Variants in RGS6 observed in about 807,000 individuals in gnomAD.
RGS6 encodes the protein regulator of G protein signaling 6.
Under a neutral mutation model 78.5 loss-of-function variants are expected in RGS6, and 30 were observed. The observed-to-expected ratio is 0.38, with a 90% CI of 0.29 to 0.52. The LOEUF (loss-of-function observed/expected upper bound fraction) is 0.52. Ranked by LOEUF, RGS6 falls within the 20% of genes least tolerant of loss-of-function variation. The probability of loss-of-function intolerance (pLI) is 0.85; values close to 1 mark genes in which losing one functional copy is unlikely to be tolerated. For synonymous variants in RGS6, 206 were observed against 206.0 expected (o/e 1.00, Z 0.00); for missense variants, 495 against 609.7 (o/e 0.81, Z 1.98).
downstream of RGS6, among the ~76,000 whole-genome samples, chr14:72,567,399 A>G (rs1034454862): frequency 5.3e-5 from 8 of 152,198 alleles, no homozygotes; most frequent in African/African-American, 1.4e-4. Context: ...TCTCAGCTGG[A>G]CCATCTGGCT....
intron 2 of RGS6, among the ~76,000 whole-genome samples, chr14:72,204,261 AAT>A (rs1218880264): frequency 5.9e-4 from 90 of 152,334 alleles, no homozygotes; most frequent in African/African-American, 2.1e-3. Context: ...TTTGCAACCT[AAT>A]CTCAGAAGCA....
At chr14:71,998,626 C>T (rs913804163) in intron 2 of RGS6, among the ~76,000 whole-genome samples, 57 of 152,136 alleles carry the variant, frequency 3.7e-4, no homozygotes, top group Non-Finnish European at 4.6e-4. Context: ...CAAATAGAAG[C>T]CAAAGCATGG....
intron 12 of RGS6, among the ~76,000 whole-genome samples, chr14:72,488,998 G>A (rs2096537300): frequency 6.6e-6 from 1 of 151,946 alleles, no homozygotes. Flanking sequence ...ATCTATTTCT[G>A]GTCTTAAAAA....
At chr14:72,289,924 G>A (rs945943285) in intron 2 of RGS6, among the ~76,000 whole-genome samples, 2 of 152,170 alleles carry the variant, frequency 1.3e-5, no homozygotes, top group Admixed American at 6.5e-5. Flanking sequence ...GTCTCTCCTT[G>A]TCAGAACTGT....
intron 3 of RGS6, among the ~76,000 whole-genome samples, chr14:72,367,980 A>G (rs1009362556): frequency 6.6e-6 from 1 of 152,208 alleles, no homozygotes; most frequent in Non-Finnish European, 1.5e-5. Flanking sequence ...TTTTCTCACG[A>G]TGTTCTAACT....
chr14:72,145,136 C>T (rs949323757), intron 2 of RGS6, among the ~76,000 whole-genome samples: 1 of 152,062 alleles, frequency 6.6e-6, no homozygotes, highest in East Asian at 1.9e-4. Flanking sequence ...CAAAATATCT[C>T]AAGAACTGAT....
At chr14:72,523,357 A>T (rs1325109017) in intron 15 of RGS6, among the ~76,000 whole-genome samples, 1 of 152,146 alleles carries the variant, frequency 6.6e-6, no homozygotes, top group Non-Finnish European at 1.5e-5. Context: ...TCTCTGTTAA[A>T]TGGGGATGTT....
chr14:72,360,829 C>T (rs1240277980), intron 3 of RGS6, among the ~76,000 whole-genome samples: 1 of 152,058 alleles, frequency 6.6e-6, no homozygotes, highest in Admixed American at 6.5e-5. Flanking sequence ...ATTGTAATCC[C>T]CATAATCCGC....
intron 2 of RGS6, among the ~76,000 whole-genome samples, chr14:72,131,157 C>A (rs920098124): frequency 6.6e-6 from 1 of 152,180 alleles, no homozygotes; most frequent in Non-Finnish European, 1.5e-5. Flanking sequence ...GATTCCTAGT[C>A]CCCTAACTCA....
the RGS6 span, among the ~76,000 whole-genome samples, chr14:71,896,023 G>A: frequency 1.3e-4 from 20 of 152,060 alleles, no homozygotes; most frequent in Non-Finnish European, 2.9e-5. Context: ...TGCAGTCCGT[G>A]CAGGCCAGCT....
rs1381169468 is a variant in RGS6 at position 72,474,619 on chromosome 14, T to TC, written c.619-5dup. On this transcript the variant is annotated splice_region_variant and splice_polypyrimidine_tract_variant and intron_variant, in intron 9 of 17. Coordinates refer to ENST00000553525, the MANE Select transcript of RGS6 (RefSeq NM_001204424.2). ...TAATTTATATGATGTGTTTTTTTTT[T>TC]CTCAGCCAGGCTGTGTGAACACAAC... is the stretch of plus-strand genomic sequence containing the variant. 1.9e-6 allele frequency: 3 copies of TC among 1,596,836 alleles called. No homozygotes were observed. Among genetic ancestry groups the TC allele is most frequent in the South Asian group, 1.2e-5 (1 of 86,366 alleles).
chr14:72,327,359 G>T (rs2074035088), intron 2 of RGS6, among the ~76,000 whole-genome samples: 1 of 152,104 alleles, frequency 6.6e-6, no homozygotes, highest in Admixed American at 6.5e-5. Context: ...TCATGGGAAA[G>T]TACCTGGAAA....
chr14:72,554,889 T>TGAG (rs954856843), intron 17 of RGS6, among the ~76,000 whole-genome samples: 1 of 152,238 alleles, frequency 6.6e-6, no homozygotes, highest in Non-Finnish European at 1.5e-5. Flanking sequence ...GCTCAGCTGC[T>TGAG]GAGTCCTTGT....
chr14:72,418,322 A>G (rs2093965387), intron 3 of RGS6, among the ~76,000 whole-genome samples: 1 of 152,074 alleles, frequency 6.6e-6, no homozygotes. Context: ...ACCTGCCACT[A>G]CAGCCGGCTA....
intron 12 of RGS6, among the ~76,000 whole-genome samples, chr14:72,487,305 TAAGA>T (rs2096505952): frequency 6.6e-6 from 1 of 152,220 alleles, no homozygotes; most frequent in Non-Finnish European, 1.5e-5. Context: ...ATAAATATAG[TAAGA>T]AATACATAAT....
intron 2 of RGS6, among the ~76,000 whole-genome samples, chr14:72,225,592 G>C (rs2047938009): frequency 1.3e-5 from 2 of 152,138 alleles, no homozygotes; most frequent in Non-Finnish European, 2.9e-5. Flanking sequence ...GACTCCTAAA[G>C]TGTCAGGATT....
chr14:71,940,878 C>G (rs1056227163), intron 1 of RGS6, among the ~76,000 whole-genome samples: 3 of 152,220 alleles, frequency 2.0e-5, no homozygotes, highest in African/African-American at 7.2e-5. Context: ...ATCCACTCCA[C>G]CACCCCAATC....
At chr14:72,333,146 A>G (rs563641238) in intron 2 of RGS6, among the ~76,000 whole-genome samples, 9 of 151,904 alleles carry the variant, frequency 5.9e-5, no homozygotes, top group Admixed American at 4.6e-4. Context: ...TCCCACTCCT[A>G]CCTCATCTAT....
At chr14:72,252,204 C>T (rs567814781) in intron 2 of RGS6, among the ~76,000 whole-genome samples, 10 of 152,288 alleles carry the variant, frequency 6.6e-5, no homozygotes, top group South Asian at 4.1e-4. Flanking sequence ...TTCACTCATG[C>T]GTATGCCCGC....
Sources: gnomAD v4.1 joint callset for allele counts (sites outside exome capture counted in the v4.1 genomes callset) on GRCh38, gnomAD v4.1.1 for gene constraint, MANE v1.5 for transcripts, NCBI Gene and HGNC (gene_info 2026-07-23, HGNC 2026-07-21) for gene names.